The following MYOM1 variants were observed in gnomAD, a reference collection of about 807,000 sequenced individuals.
MYOM1 encodes myomesin 1, also known as myomesin-1.
In MYOM1, 164 loss-of-function variants were observed where a neutral mutation model predicts 205.3. That is an observed-to-expected ratio of 0.80 (90% confidence interval 0.70 to 0.91). MYOM1 has a LOEUF of 0.91. Ranked by LOEUF, MYOM1 falls within the 40% of genes least tolerant of loss-of-function variation. MYOM1 has a pLI of 0.00. For synonymous variants in MYOM1, 772 were observed against 789.4 expected (o/e 0.98, Z 0.37); for missense variants, 2,011 against 2,127.3 (o/e 0.95, Z 1.08).
chr18:3,101,543 C>G (rs899479735), intron 23 of MYOM1, among the ~76,000 whole-genome samples: 1 of 152,140 alleles, frequency 6.6e-6, no homozygotes, highest in East Asian at 1.9e-4. Flanking sequence ...GCCTAGAGCT[C>G]GTTCATCTTA....
At chr18:3,243,849 T>A in the MYOM1 span, among the ~76,000 whole-genome samples, 1 of 152,190 alleles carries the variant, frequency 6.6e-6, no homozygotes, top group Non-Finnish European at 1.5e-5. Context: ...ATAGAATACC[T>A]AGCACATAAT....
intron 26 of MYOM1, 37 bp from the exon 27 acceptor site, chr18:3,090,839 A>T: frequency 6.2e-7 from 1 of 1,611,254 alleles, no homozygotes; most frequent in Non-Finnish European, 8.5e-7. Flanking sequence ...GAAATCACTG[A>T]GGCATATATT....
the MYOM1 span, among the ~76,000 whole-genome samples, chr18:3,239,365 A>C: frequency 6.6e-6 from 1 of 152,194 alleles, no homozygotes; most frequent in East Asian, 1.9e-4. Flanking sequence ...TTATCTTCTC[A>C]GTGACTTAGC....
intron 21 of MYOM1, among the ~76,000 whole-genome samples, chr18:3,114,897 T>C (rs1245940564): frequency 6.6e-6 from 1 of 152,156 alleles, no homozygotes; most frequent in Non-Finnish European, 1.5e-5. Context: ...CCCGTTATTC[T>C]TTTTCTTTTT....
intron 3 of MYOM1, among the ~76,000 whole-genome samples, chr18:3,190,083 G>A (rs367855394): frequency 1.3e-5 from 2 of 150,432 alleles, no homozygotes; most frequent in African/African-American, 2.5e-5. Flanking sequence ...AATGTGACTC[G>A]TTATTATTCA....
chr18:3,128,573 T>G (rs1567921481), intron 18 of MYOM1, among the ~76,000 whole-genome samples: 1 of 152,228 alleles, frequency 6.6e-6, no homozygotes, highest in Non-Finnish European at 1.5e-5. Flanking sequence ...TTTAAACTTT[T>G]CATGGTAACT....
At chr18:3,155,183 AG>A in intron 10 of MYOM1, 95 bp from the exon 11 acceptor site, 2 of 1,260,264 alleles carry the variant, frequency 1.6e-6, no homozygotes, top group Non-Finnish European at 2.1e-6. Context: ...ACATCATCAC[AG>A]TGGCTCAATC....
intron 10 of MYOM1, among the ~76,000 whole-genome samples, chr18:3,160,043 C>T (rs942023764): frequency 6.7e-6 from 1 of 149,422 alleles, no homozygotes; most frequent in African/African-American, 2.5e-5. Context: ...CTTCCTCCTC[C>T]TTCTCCTCCT....
intron 8 of MYOM1, among the ~76,000 whole-genome samples, chr18:3,173,303 A>G (rs953590579): frequency 2.0e-5 from 3 of 152,118 alleles, no homozygotes; most frequent in East Asian, 1.9e-4. Flanking sequence ...GCATTTATTT[A>G]TTCATTTCAT....
At chr18:3,223,298 T>C (rs1277820413), upstream of MYOM1, among the ~76,000 whole-genome samples, 1 of 152,230 alleles carries the variant, frequency 6.6e-6, no homozygotes, top group Non-Finnish European at 1.5e-5. Context: ...TCATTAAATA[T>C]TAGCTACCAT....
At chr18:3,144,766 T>C (rs751309519) in intron 13 of MYOM1, among the ~76,000 whole-genome samples, 1 of 152,142 alleles carries the variant, frequency 6.6e-6, no homozygotes, top group African/African-American at 2.4e-5. Context: ...GGTCAATTCA[T>C]AAGAGGATAT....
chr18:3,214,716 G>A (rs1197059110), intron 2 of MYOM1, among the ~76,000 whole-genome samples: 2 of 152,146 alleles, frequency 1.3e-5, no homozygotes, highest in Non-Finnish European at 2.9e-5. Context: ...CCAGCTACTC[G>A]GGAGGCGGAG....
rs1296234698 is a variant in MYOM1 at position 3,151,782 on chromosome 18, T to G, written c.1755A>C (p.Arg585=). ...AACCTATTCCCATTTTATTCACAGC[T>G]CGAACTCGGAAGATATAGGAACGAC... The part of the protein sequence containing the change: ...IEGRSYIFRV[R]AVNKMGIGFP... Residue 585 remains arginine (R), a synonymous_variant, in exon 12 of 38, where the codon CGA becomes CGC. Coordinates refer to ENST00000356443, the MANE Select transcript of MYOM1 (RefSeq NM_003803.4). 6.2e-7 allele frequency: 1 copy of G among 1,613,868 alleles called. No homozygotes were observed. The highest frequency in any genetic ancestry group is 8.5e-7 in the Non-Finnish European group (1 of 1,179,848).
intron 13 of MYOM1, among the ~76,000 whole-genome samples, chr18:3,145,407 A>G (rs182981084): frequency 1.3e-5 from 2 of 152,322 alleles, no homozygotes; most frequent in East Asian, 3.9e-4. Flanking sequence ...GAAAATCTAC[A>G]AGGATTCAAA....
the MYOM1 span, among the ~76,000 whole-genome samples, chr18:3,243,049 AT>A: frequency 6.6e-6 from 1 of 152,116 alleles, no homozygotes; most frequent in African/African-American, 2.4e-5. Flanking sequence ...TTTTTATCTC[AT>A]TTATCATCCC....
chr18:3,187,931 C>T (rs1598753340), intron 4 of MYOM1, among the ~76,000 whole-genome samples: 2 of 147,408 alleles, frequency 1.4e-5, no homozygotes, highest in East Asian at 1.9e-4. Flanking sequence ...CTCTGCCTCC[C>T]AGGTTCATGC....
intron 2 of MYOM1, among the ~76,000 whole-genome samples, chr18:3,212,537 G>C (rs549866869): frequency 7.0e-4 from 106 of 152,190 alleles, no homozygotes; most frequent in African/African-American, 2.5e-3. Flanking sequence ...TTTTGCAATA[G>C]AGTTGAGAAA....
chr18:3,075,891 G>T, intron 34 of MYOM1, 130 bp from the exon 35 acceptor site: 1 of 765,054 alleles, frequency 1.3e-6, no homozygotes, highest in Non-Finnish European at 2.2e-6. Context: ...GATTAAGACT[G>T]TGCTTATGTG....
chr18:3,080,237 A>G (rs940307080), intron 33 of MYOM1, among the ~76,000 whole-genome samples: 1 of 152,138 alleles, frequency 6.6e-6, no homozygotes, highest in Non-Finnish European at 1.5e-5. Flanking sequence ...GTACCCTAAA[A>G]TGTTCATATT....
Sources: gnomAD v4.1 joint callset for allele counts (sites outside exome capture counted in the v4.1 genomes callset) on GRCh38, gnomAD v4.1.1 for gene constraint, MANE v1.5 for transcripts, NCBI Gene and HGNC (gene_info 2026-07-23, HGNC 2026-07-21) for gene names.